PLCL1: variants seen among roughly 807,000 people sequenced by gnomAD.
The protein encoded by PLCL1 is inactive phospholipase C-like protein 1.
Under a neutral mutation model 84.4 loss-of-function variants are expected in PLCL1, and 41 were observed. That is an observed-to-expected ratio of 0.49 (90% CI 0.38 to 0.63). PLCL1 has a LOEUF of 0.63. PLCL1 is among the 30% of genes least tolerant of loss of function. The probability of loss-of-function intolerance (pLI) is 0.00; values close to 1 mark genes in which losing one functional copy is unlikely to be tolerated. For missense variants in PLCL1, 1,206 were observed against 1,367.8 expected (o/e 0.88, Z 1.87); for synonymous variants, 490 against 488.3 (o/e 1.00, Z -0.05).
chr2:198,060,401 A>G (rs1396754490), intron 1 of PLCL1, among the ~76,000 whole-genome samples: 2 of 152,228 alleles, frequency 1.3e-5, no homozygotes, highest in African/African-American at 2.4e-5. Context: ...TAGCAAAGAC[A>G]TATAAACTCC....
chr2:198,140,356 A>G (rs1694355491), intron 5 of PLCL1, among the ~76,000 whole-genome samples: 2 of 152,184 alleles, frequency 1.3e-5, no homozygotes, highest in Non-Finnish European at 1.5e-5. Context: ...AGAATTCTAT[A>G]TATACAAGAA....
chr2:197,878,029 G>A lies in PLCL1; in HGVS notation c.240+72690G>A, dbSNP rs114958457. 6.8e-3 allele frequency among the ~76,000 whole-genome samples: 1,029 copies of A among 152,204 alleles called. 12 individuals carry two copies. The highest frequency in any genetic ancestry group is 0.024 in the African/African-American group (988 of 41,530). On this transcript the variant is annotated intron_variant, in intron 1 of 5. Transcript: ENST00000428675. ...GGTAAATAGTTGGGAAATATAACAAGCCTGTGAAATATGCCTATGTATATG... is the reference window on the plus strand; with the variant it reads ...GGTAAATAGTTGGGAAATATAACAAACCTGTGAAATATGCCTATGTATATG...
chr2:197,837,072 T>C (rs1039792110), intron 1 of PLCL1, among the ~76,000 whole-genome samples: 4 of 152,278 alleles, frequency 2.6e-5, no homozygotes, highest in African/African-American at 9.6e-5. Context: ...AATCATGATT[T>C]CTTCCCTGAA....
intron 1 of PLCL1, among the ~76,000 whole-genome samples, chr2:197,999,846 ATG>A (rs1054453470): frequency 6.6e-6 from 1 of 151,844 alleles, no homozygotes; most frequent in Non-Finnish European, 1.5e-5. Flanking sequence ...TGTAATACGT[ATG>A]TGTGTGTGTG....
At chr2:197,969,119 G>A (rs777957729) in intron 1 of PLCL1, among the ~76,000 whole-genome samples, 1 of 152,168 alleles carries the variant, frequency 6.6e-6, no homozygotes. Context: ...AGAGTCTAAT[G>A]CCTGATGATC....
chr2:198,062,719 G>A (rs532759861), intron 1 of PLCL1, among the ~76,000 whole-genome samples: 1 of 152,052 alleles, frequency 6.6e-6, no homozygotes, highest in East Asian at 1.9e-4. Context: ...ACTTGGGGGT[G>A]AGCCTAGGGT....
At chr2:197,912,500 T>A (rs1384561328) in intron 1 of PLCL1, among the ~76,000 whole-genome samples, 1 of 151,654 alleles carries the variant, frequency 6.6e-6, no homozygotes, top group Non-Finnish European at 1.5e-5. Context: ...CACACGTATG[T>A]TTATTGCGGC....
chr2:197,970,967 A>C (rs1244230066), intron 1 of PLCL1, among the ~76,000 whole-genome samples: 3 of 152,264 alleles, frequency 2.0e-5, no homozygotes, highest in Non-Finnish European at 2.9e-5. Context: ...CAGATAATTG[A>C]ATATCATATT....
chr2:197,869,998 C>G (rs898704565), intron 1 of PLCL1, among the ~76,000 whole-genome samples: 5 of 151,904 alleles, frequency 3.3e-5, no homozygotes, highest in Non-Finnish European at 5.9e-5. Context: ...TGGTAGAAAC[C>G]AAACTTTGTG....
chr2:198,039,180 A>G (rs1328245861), intron 1 of PLCL1, among the ~76,000 whole-genome samples: 1 of 152,182 alleles, frequency 6.6e-6, no homozygotes, highest in Non-Finnish European at 1.5e-5. Flanking sequence ...TCAAAGTGAC[A>G]TAGTTTCTCA....
intron 1 of PLCL1, among the ~76,000 whole-genome samples, chr2:197,974,688 C>G (rs1689931873): frequency 6.6e-6 from 1 of 152,226 alleles, no homozygotes; most frequent in African/African-American, 2.4e-5. Context: ...AATTTTCACT[C>G]TTGTTCATTG....
intron 1 of PLCL1, among the ~76,000 whole-genome samples, chr2:197,921,403 C>T (rs537913953): frequency 1.1e-4 from 16 of 152,074 alleles, no homozygotes; most frequent in East Asian, 5.8e-4. Flanking sequence ...TTCAAAGTTT[C>T]GGGTGAAAAA....
intron 1 of PLCL1, among the ~76,000 whole-genome samples, chr2:197,957,679 AC>A (rs918338988): frequency 1.3e-5 from 2 of 152,046 alleles, no homozygotes; most frequent in African/African-American, 4.8e-5. Flanking sequence ...CCTCTGCTCA[AC>A]CAGGATAATC....
At chr2:197,977,973 G>A (rs1039805584) in intron 1 of PLCL1, among the ~76,000 whole-genome samples, 6 of 152,098 alleles carry the variant, frequency 3.9e-5, no homozygotes, top group African/African-American at 9.7e-5. Flanking sequence ...GTCTAACTCC[G>A]GTGGCACTTC....
intron 1 of PLCL1, among the ~76,000 whole-genome samples, chr2:198,002,266 TATGAATAGTGCTGCC>T (rs1239297426): frequency 6.6e-6 from 1 of 152,086 alleles, no homozygotes. Flanking sequence ...TTTTGGCTTT[TATGAATAGTGCTGCC>T]ATGAACATTC....
intron 1 of PLCL1, among the ~76,000 whole-genome samples, chr2:197,874,695 G>A (rs1009419210): frequency 6.6e-6 from 1 of 152,142 alleles, no homozygotes; most frequent in African/African-American, 2.4e-5. Context: ...TTTGTGTTAT[G>A]TAGCATAATT....
chr2:197,983,984 C>T (rs1690170166), intron 1 of PLCL1, among the ~76,000 whole-genome samples: 2 of 152,116 alleles, frequency 1.3e-5, no homozygotes. Flanking sequence ...GTTGAATCTT[C>T]CATATGCCTT....
In PLCL1 at chr2:197,805,013, C is replaced by G; in HGVS notation, c.-87C>G. 1.5e-6 allele frequency: 2 copies of G among 1,355,880 alleles called. No individual in the cohort carries two copies. Among genetic ancestry groups the G allele is most frequent in the South Asian group, 1.6e-5 (1 of 64,012 alleles). 84.0% of individuals were successfully genotyped at this position (1,355,880 alleles called of 1,614,324 possible). Reference sequence around the variant, plus strand: ...AACAAAGTCTGGCGGGGCCGCCTCCCGGTGCAGGAGCGCACCGGTGCCTAG... The same window carrying G: ...AACAAAGTCTGGCGGGGCCGCCTCCGGGTGCAGGAGCGCACCGGTGCCTAG... On this transcript the variant is annotated 5_prime_UTR_variant, in exon 1 of 6. Transcript: ENST00000428675. This position sits in a 1 kb window ranked among gnomAD's most constrained non-coding sequence, Gnocchi z 4.0.
At chr2:197,925,418 A>T (rs1332067425) in intron 1 of PLCL1, among the ~76,000 whole-genome samples, 1 of 152,178 alleles carries the variant, frequency 6.6e-6, no homozygotes, top group Non-Finnish European at 1.5e-5. Flanking sequence ...TTCCCAAGTG[A>T]ATACAGTAGA....
Sources: allele counts gnomAD v4.1 joint callset (sites outside exome capture counted in the v4.1 genomes callset), GRCh38; gene constraint gnomAD v4.1.1; non-coding constraint Gnocchi (gnomAD v3.1); transcripts MANE v1.5; gene names NCBI Gene and HGNC (gene_info 2026-07-23, HGNC 2026-07-21).